NTMT2: variants seen among roughly 807,000 people sequenced by gnomAD.
NTMT2 encodes the protein X-Pro-Lys N-terminal protein methyltransferase 1B.
In NTMT2, 21 loss-of-function variants were observed where a neutral mutation model predicts 23.4. That is an observed-to-expected ratio of 0.90 (90% CI 0.64 to 1.29). NTMT2 has a LOEUF of 1.29. Among genes scored for constraint, NTMT2 ranks in the 50% most tolerant of loss-of-function variants. The probability of loss-of-function intolerance (pLI) is 0.00; values close to 1 mark genes in which losing one functional copy is unlikely to be tolerated. For synonymous variants in NTMT2, 131 were observed against 127.7 expected, an observed-to-expected ratio of 1.03 and a Z score of -0.17; for missense variants, 336 against 352.0, an observed-to-expected ratio of 0.95 and a Z score of 0.36.
chr1:170,147,968 A>G (rs1672997542), intron 1 of NTMT2, among the ~76,000 whole-genome samples: 1 of 152,058 alleles, frequency 6.6e-6, no homozygotes, highest in South Asian at 2.1e-4. Flanking sequence ...TTTACCAATG[A>G]GTTTTGACCT....
intron 1 of NTMT2, chr1:170,158,035 C>T (rs1213114813): frequency 3.4e-4 from 51 of 152,070 alleles, no homozygotes; most frequent in Admixed American, 3.3e-3. Flanking sequence ...CGTCATCTTT[C>T]ATCGTGCATC....
rs193005588 is a variant in NTMT2 at position 170,160,796 on chromosome 1, C to T, written c.330+103C>T. On this transcript the variant is annotated intron_variant, in intron 2 of 3. Transcript: ENST00000439373. ...TTAAGTCACGACTAAGCCATATGAC[C>T]CAGCCAAGAGTTCTGCCGCCTGCAA... 3.0e-4 allele frequency: 315 copies of T among 1,038,982 alleles called. No homozygotes were observed. In the African/African-American group the frequency reaches 4.8e-3, roughly 16 times the overall value. The allele number at this position is 1,038,982 out of a possible 1,614,324, so 64.4% of individuals were successfully genotyped here.
At chr1:170,160,813 C>T (rs964066030) in intron 2 of NTMT2, 120 bp downstream of exon 2, 19 of 773,252 alleles carry the variant, frequency 2.5e-5, no homozygotes, top group African/African-American at 8.9e-5. Flanking sequence ...AGAGTTCTGC[C>T]GCCTGCAAGC....
chr1:170,160,302 G>A (rs752619972), intron 1 of NTMT2, among the ~76,000 whole-genome samples: 3 of 152,144 alleles, frequency 2.0e-5, no homozygotes, highest in Non-Finnish European at 4.4e-5. Flanking sequence ...CCATAGATGC[G>A]ATCTCTGAAG....
At position 170,168,724 on chromosome 1, in the gene NTMT2, G is replaced by A. The variant is rs944887776; in HGVS notation, c.*967G>A. Among the ~76,000 whole-genome samples the A allele has an allele frequency of 6.6e-6, 1 of 152,220 alleles. No homozygotes were observed. Among genetic ancestry groups the A allele is most frequent in the African/African-American group, 2.4e-5 (1 of 41,446 alleles). On this transcript the variant is annotated 3_prime_UTR_variant, in exon 4 of 4. Transcript: ENST00000439373. Reference sequence around the variant, plus strand: ...AGTCTTTGCTTTTCAACATGGCTTGGTTCATTGCAGCTGCTCCTGGGGTCT... The same window carrying A: ...AGTCTTTGCTTTTCAACATGGCTTGATTCATTGCAGCTGCTCCTGGGGTCT...
chr1:170,152,206 T>C (rs1448185554), intron 1 of NTMT2, among the ~76,000 whole-genome samples: 1 of 152,174 alleles, frequency 6.6e-6, no homozygotes, highest in East Asian at 1.9e-4. Context: ...GAGAGAGACG[T>C]ACACAAATAC....
chr1:170,161,251 A>G (rs1673268229), intron 2 of NTMT2, among the ~76,000 whole-genome samples: 2 of 151,866 alleles, frequency 1.3e-5, no homozygotes, highest in Admixed American at 1.3e-4. Context: ...GTGAGCCGAG[A>G]TCACGCCACT....
intron 1 of NTMT2, among the ~76,000 whole-genome samples, chr1:170,151,690 C>T (rs535709): frequency 0.67 from 101,022 of 151,734 alleles, 34,551 homozygotes; most frequent in East Asian, 0.87. Flanking sequence ...ATTTAGCAGA[C>T]ATATTTTTAG....
chr1:170,165,063 C>A lies in NTMT2; in HGVS notation c.331-1439C>A, dbSNP rs372871637. 8.8e-4 allele frequency among the ~76,000 whole-genome samples: 132 copies of A among 149,862 alleles called. 1 individual carries two copies. The highest frequency in any genetic ancestry group is 3.1e-3 in the African/African-American group (124 of 40,164). ...TTTGTATTTTACCTTTGATCCTTAG[C>A]CAATTTTTTTTTTATTCTTAGTTCC... On this transcript the variant is annotated intron_variant, in intron 2 of 3. Transcript: ENST00000439373.
At chr1:170,151,386 T>C (rs924732934) in intron 1 of NTMT2, 1 of 154,020 alleles carries the variant, frequency 6.5e-6, no homozygotes, top group Non-Finnish European at 1.5e-5. Context: ...AAATTAACTA[T>C]GGCTTTTAAC....
intron 1 of NTMT2, among the ~76,000 whole-genome samples, chr1:170,159,084 T>C (rs1216924632): frequency 6.6e-6 from 1 of 152,162 alleles, no homozygotes; most frequent in Non-Finnish European, 1.5e-5. Flanking sequence ...TAAATAATTC[T>C]AGGCAATAGA....
In NTMT2 at chr1:170,154,594, C is replaced by T. The variant is rs547114652; in HGVS notation, c.155-5924C>T. Among the ~76,000 whole-genome samples, 6 of 152,254 alleles carry T rather than the reference C, an allele frequency of 3.9e-5. 1 individual carries two copies. The highest frequency in any genetic ancestry group is 1.4e-4 in the African/African-American group (6 of 41,556). On this transcript the variant is annotated intron_variant, in intron 1 of 3. Coordinates refer to ENST00000439373, the MANE Select transcript of NTMT2 (RefSeq NM_001136107.2). Reference sequence around the variant, plus strand: ...AACCCCTTTCCTTTGGCCTATTTCTCCCTTTTGGAATGGGAATGTTTACCC... The same window carrying T: ...AACCCCTTTCCTTTGGCCTATTTCTTCCTTTTGGAATGGGAATGTTTACCC...
chr1:170,162,524 T>C (rs761831615), intron 2 of NTMT2, among the ~76,000 whole-genome samples: 1 of 152,250 alleles, frequency 6.6e-6, no homozygotes, highest in African/African-American at 2.4e-5. Context: ...TGGATATTTA[T>C]AGGTTAGGTT....
chr1:170,162,081 C>T (rs954074198), intron 2 of NTMT2, among the ~76,000 whole-genome samples: 8 of 152,146 alleles, frequency 5.3e-5, no homozygotes, highest in Admixed American at 1.3e-4. Flanking sequence ...CACAGCGAGA[C>T]TCCATCTCAA....
intron 2 of NTMT2, among the ~76,000 whole-genome samples, chr1:170,161,877 G>A (rs193179132): frequency 1.6e-3 from 244 of 152,278 alleles, no homozygotes; most frequent in Non-Finnish European, 2.5e-3. Context: ...TGAATCACGA[G>A]GTCAGAGTTT....
In NTMT2 at chr1:170,167,549, A is replaced by G; in HGVS notation, c.644A>G (p.Asn215Ser). The G allele has an allele frequency of 6.4e-7, 1 of 1,551,680 alleles. No homozygotes were observed. Among genetic ancestry groups the G allele is most frequent in the South Asian group, 1.2e-5 (1 of 84,056 alleles). ...LSRCRDGLKE[N>S]GIIILKDNVA... ...CGGTGCCGAGATGGCCTGAAAGAAA[A>G]TGGCATCATCATATTGAAGGACAAT... Residue 215 changes from asparagine to serine, a missense_variant, in exon 4 of 4, where the codon AAT becomes AGT. Transcript: ENST00000439373.
In NTMT2 at chr1:170,167,600, A is replaced by G; in HGVS notation, c.695A>G (p.Asp232Gly). 6.4e-7 allele frequency: 1 copy of G among 1,551,674 alleles called. No homozygotes were observed. The highest frequency in any genetic ancestry group is 8.7e-7 in the Non-Finnish European group (1 of 1,146,982). The stretch of plus-strand genomic sequence containing the variant: ...GTGGCCCGGGAGGGCTGTATCCTTG[A>G]TCTCTCTGACAGCAGTGTGACTCGG... ...DNVAREGCILDLSDSSVTRDM... is the reference protein window; with the variant it reads ...DNVAREGCILGLSDSSVTRDM... The change falls in exon 4 of 4, where the codon GAT (aspartate) becomes GGT (glycine). Residue 232 changes from aspartate (D) to glycine (G), a missense_variant. Coordinates refer to ENST00000439373, the MANE Select transcript of NTMT2 (RefSeq NM_001136107.2).
intron 2 of NTMT2, among the ~76,000 whole-genome samples, chr1:170,165,504 C>T (rs1673363040): frequency 6.6e-6 from 1 of 152,144 alleles, no homozygotes; most frequent in Non-Finnish European, 1.5e-5. Flanking sequence ...GCCATCAGGG[C>T]TGTATTTGAA....
intron 1 of NTMT2, among the ~76,000 whole-genome samples, chr1:170,155,370 C>G (rs1673144676): frequency 6.6e-6 from 1 of 152,088 alleles, no homozygotes; most frequent in African/African-American, 2.4e-5. Context: ...CTTCCTCTCT[C>G]TTTTTTCCTT....
Sources: gnomAD v4.1 joint callset for allele counts (sites outside exome capture counted in the v4.1 genomes callset) on GRCh38, gnomAD v4.1.1 for gene constraint, MANE v1.5 for transcripts, NCBI Gene and HGNC (gene_info 2026-07-23, HGNC 2026-07-21) for gene names.